The following UMAD1 variants were observed in gnomAD, a reference collection of about 807,000 sequenced individuals.
UMAD1 encodes UBAP1-MVB12-associated (UMA)-domain containing protein 1.
A neutral mutation model predicts 6.1 loss-of-function variants in UMAD1; 8 were observed. The observed-to-expected ratio is 1.30, with a 90% confidence interval of 0.76 to 2.35. UMAD1 has a LOEUF of 2.35. Ranked by LOEUF, UMAD1 falls within the 30% of genes most tolerant of loss-of-function variation. The pLI, the probability that UMAD1 is intolerant of heterozygous loss-of-function variation, is 0.00. For missense variants in UMAD1, 130 were observed against 78.4 expected (o/e 1.66, Z -2.49); for synonymous variants, 56 against 31.4 (o/e 1.78, Z -2.61).
intron 2 of UMAD1, among the ~76,000 whole-genome samples, chr7:7,703,083 A>G (rs1439087793): frequency 6.6e-6 from 1 of 152,156 alleles, no homozygotes; most frequent in Non-Finnish European, 1.5e-5. Context: ...TGCTTTTTAG[A>G]ACTTCCTTGC....
chr7:7,726,307 C>T (rs1583777984), intron 2 of UMAD1, among the ~76,000 whole-genome samples: 1 of 152,186 alleles, frequency 6.6e-6, no homozygotes, highest in East Asian at 1.9e-4. Context: ...CACAGCATTG[C>T]CTCTGACCAA....
intron 3 of UMAD1, among the ~76,000 whole-genome samples, chr7:7,861,425 T>C (rs1364221917): frequency 6.6e-6 from 1 of 152,174 alleles, no homozygotes; most frequent in Non-Finnish European, 1.5e-5. Context: ...CCATCTTCTA[T>C]TTTGAAATAT....
intron 2 of UMAD1, among the ~76,000 whole-genome samples, chr7:7,707,848 A>G (rs1780644862): frequency 6.6e-6 from 1 of 152,172 alleles, no homozygotes; most frequent in South Asian, 2.1e-4. Flanking sequence ...AGATCTTTTA[A>G]TGTAGTTATT....
chr7:7,704,093 G>T (rs1391850658), intron 2 of UMAD1, among the ~76,000 whole-genome samples: 1 of 152,200 alleles, frequency 6.6e-6, no homozygotes, highest in African/African-American at 2.4e-5. Flanking sequence ...GTATCTGTGT[G>T]TGAGGCTGTG....
In UMAD1 at chr7:7,732,186, A is replaced by G. The variant is rs1010276143; in HGVS notation, c.82+58733A>G. Among the ~76,000 whole-genome samples the G allele has an allele frequency of 1.2e-4, 18 of 152,058 alleles. 1 individual carries two copies. The highest frequency in any genetic ancestry group is 4.3e-4 in the African/African-American group (18 of 41,406). ...TTTTAAGAAAATATTCATTGGCTGA[A>G]TATTAGCCAACTGATATGTTTTTGT... is the stretch of plus-strand genomic sequence containing the variant. On this transcript the variant is annotated intron_variant, in intron 2 of 3. Coordinates refer to ENST00000682710, the MANE Select transcript of UMAD1 (RefSeq NM_001302348.2).
At chr7:7,650,526 T>C (rs188370153) in intron 1 of UMAD1, among the ~76,000 whole-genome samples, 1 of 152,348 alleles carries the variant, frequency 6.6e-6, no homozygotes, top group Non-Finnish European at 1.5e-5. Context: ...TCCTCAGTTG[T>C]AACAGGATGG....
intron 3 of UMAD1, among the ~76,000 whole-genome samples, chr7:7,812,055 C>G (rs1391605048): frequency 3.3e-5 from 5 of 152,122 alleles, no homozygotes; most frequent in African/African-American, 1.2e-4. Flanking sequence ...ATTTTTGTTA[C>G]CACAACATCT....
At chr7:7,693,799 C>T (rs1035872479) in intron 2 of UMAD1, among the ~76,000 whole-genome samples, 31 of 152,110 alleles carry the variant, frequency 2.0e-4, no homozygotes, top group African/African-American at 7.2e-4. Flanking sequence ...TAAGTTTAAA[C>T]TTATAAACTC....
intron 2 of UMAD1, among the ~76,000 whole-genome samples, chr7:7,712,530 A>T (rs1379664670): frequency 6.6e-6 from 1 of 152,172 alleles, no homozygotes. Flanking sequence ...CATGTAGCTG[A>T]TACTTGTAGC....
At chr7:7,814,145 A>G (rs188352986) in intron 3 of UMAD1, among the ~76,000 whole-genome samples, 182 of 152,086 alleles carry the variant, frequency 1.2e-3, no homozygotes, top group African/African-American at 4.1e-3. Context: ...CACCACGCCC[A>G]GCTAATTTTT....
chr7:7,729,786 C>T (rs560826157), intron 2 of UMAD1, among the ~76,000 whole-genome samples: 8 of 152,136 alleles, frequency 5.3e-5, no homozygotes, highest in Non-Finnish European at 8.8e-5. Flanking sequence ...TGGTCTTGCT[C>T]CAGATTATAT....
intron 3 of UMAD1, among the ~76,000 whole-genome samples, chr7:7,837,804 C>G (rs919360513): frequency 2.0e-5 from 3 of 152,006 alleles, no homozygotes; most frequent in African/African-American, 7.2e-5. Flanking sequence ...GATAGACTAG[C>G]TTTAAAAATC....
At position 7,830,733 on chromosome 7, in the gene UMAD1, T is replaced by C. The variant is rs1273226554; in HGVS notation, c.156+28990T>C. Among the ~76,000 whole-genome samples, 1 of 152,206 alleles carries C rather than the reference T, an allele frequency of 6.6e-6. No homozygotes were observed. The highest frequency in any genetic ancestry group is 1.5e-5 in the Non-Finnish European group (1 of 68,024). On this transcript the variant is annotated intron_variant, in intron 3 of 3. Transcript: ENST00000682710. The surrounding 1 kb of genome is among the most constrained non-coding windows in gnomAD (Gnocchi z 5.3). ...TGTAAGAAGAGATACAGTAGGGTTT[T>C]GAGTCAATATAAATAAACACATAGA...
intron 1 of UMAD1, among the ~76,000 whole-genome samples, chr7:7,653,143 G>A (rs1024380782): frequency 2.0e-5 from 3 of 152,112 alleles, no homozygotes; most frequent in African/African-American, 7.2e-5. Context: ...CTTTTGCAGG[G>A]TGTTTTTTCA....
chr7:7,766,202 A>G (rs895169503), intron 2 of UMAD1, among the ~76,000 whole-genome samples: 2 of 152,230 alleles, frequency 1.3e-5, no homozygotes, highest in Non-Finnish European at 2.9e-5. Context: ...TTTTTCTCCC[A>G]GAGTACATGT....
At chr7:7,766,130 G>T (rs1162286809) in intron 2 of UMAD1, among the ~76,000 whole-genome samples, 1 of 152,264 alleles carries the variant, frequency 6.6e-6, no homozygotes, top group South Asian at 2.1e-4. Flanking sequence ...AACAGTGATT[G>T]TGCTAACACA....
In UMAD1 at chr7:7,878,677, G is replaced by A. The variant is rs1784469230; in HGVS notation, c.*1139G>A. ...TTGTTAACTCTGTGCCAAGTTTTAA[G>A]TATATTTTTTCACAAAGATAGAGTG... On this transcript the variant is annotated 3_prime_UTR_variant, in exon 4 of 4. Coordinates refer to ENST00000682710, the MANE Select transcript of UMAD1 (RefSeq NM_001302348.2). 1 of 152,140 alleles carries A rather than the reference G, an allele frequency of 6.6e-6. No individual in the cohort carries two copies. Among genetic ancestry groups the A allele is most frequent in the Admixed American group, 6.5e-5 (1 of 15,270 alleles). The allele number at this position is 152,140 out of a possible 1,614,324, so 9.4% of individuals were successfully genotyped here. A position where few individuals can be genotyped will look rare whatever the true frequency, so the allele number is the denominator to read the frequency against.
intron 2 of UMAD1, among the ~76,000 whole-genome samples, chr7:7,710,501 A>G (rs62432601): frequency 0.16 from 23,866 of 152,238 alleles, 2,203 homozygotes; most frequent in South Asian, 0.21. Context: ...TAAAACCATA[A>G]TGATAGGTCT....
intron 2 of UMAD1, among the ~76,000 whole-genome samples, chr7:7,777,012 C>A (rs545258536): frequency 1.3e-5 from 2 of 152,288 alleles, no homozygotes; most frequent in East Asian, 3.9e-4. Flanking sequence ...TGCTTGTATG[C>A]AAAAGGTAGC....
Sources: gnomAD v4.1 joint callset for allele counts (sites outside exome capture counted in the v4.1 genomes callset) on GRCh38, gnomAD v4.1.1 for gene constraint, Gnocchi (gnomAD v3.1) non-coding constraint, MANE v1.5 for transcripts, NCBI Gene and HGNC (gene_info 2026-07-23, HGNC 2026-07-21) for gene names.